The following ROBO1 variants were observed in gnomAD, a reference collection of about 807,000 sequenced individuals.
The protein encoded by ROBO1 is roundabout homolog 1.
Under a neutral mutation model 195.9 loss-of-function variants are expected in ROBO1, and 149 were observed. The observed-to-expected ratio is 0.76, with a 90% CI of 0.67 to 0.87. The LOEUF (loss-of-function observed/expected upper bound fraction) is 0.87. Among genes scored for constraint, ROBO1 ranks in the 40% least tolerant of loss-of-function variants. The pLI, the probability that ROBO1 is intolerant of heterozygous loss-of-function variation, is 0.00. For missense variants in ROBO1, 1,933 were observed against 2,068.3 expected (o/e 0.93, Z 1.27); for synonymous variants, 816 against 733.2 (o/e 1.11, Z -1.82).
chr3:79,050,622 T>A (rs1447865744), intron 3 of ROBO1, among the ~76,000 whole-genome samples: 1 of 152,148 alleles, frequency 6.6e-6, no homozygotes, highest in African/African-American at 2.4e-5. Flanking sequence ...CTCAGCACCG[T>A]ATGGCACTTA....
At chr3:79,675,510 G>T (rs1946758387) in intron 1 of ROBO1, among the ~76,000 whole-genome samples, 1 of 151,948 alleles carries the variant, frequency 6.6e-6, no homozygotes, top group African/African-American at 2.4e-5. Flanking sequence ...TCATGAACTT[G>T]GACAACTTCC....
At chr3:79,560,556 T>TATATACAC (rs944214132) in intron 2 of ROBO1, among the ~76,000 whole-genome samples, 17 of 119,850 alleles carry the variant, frequency 1.4e-4, no homozygotes, top group African/African-American at 4.4e-4. Flanking sequence ...TATATATATA[T>TATATACAC]ATACACATAC....
intron 1 of ROBO1, among the ~76,000 whole-genome samples, chr3:79,592,484 A>G (rs192692524): frequency 3.9e-5 from 6 of 152,124 alleles, no homozygotes; most frequent in Admixed American, 2.0e-4. Flanking sequence ...TGGGAATTGC[A>G]TTATTAGCTA....
At position 79,174,109 on chromosome 3, in the gene ROBO1, A is replaced by G. The variant is rs565663971; in HGVS notation, c.89-48570T>C. On this transcript the variant is annotated intron_variant, in intron 2 of 30. Transcript: ENST00000464233. Reference sequence around the variant, plus strand: ...AGAATAAAAGTAGGCTGCCTGAGCCAGCAGTGGCAACCTGCTCAGGTCCCC... The same window carrying G: ...AGAATAAAAGTAGGCTGCCTGAGCCGGCAGTGGCAACCTGCTCAGGTCCCC... 6.6e-5 allele frequency among the ~76,000 whole-genome samples: 10 copies of G among 152,246 alleles called. No individual in the cohort carries two copies. The South Asian group carries it at 2.1e-3, about 32-fold the overall frequency.
chr3:79,096,186 G>C (rs1028988441), intron 3 of ROBO1, among the ~76,000 whole-genome samples: 61 of 151,976 alleles, frequency 4.0e-4, no homozygotes, highest in African/African-American at 1.3e-3. Context: ...CACTCAAGCA[G>C]CAATGTAGAA....
rs183008463 is a variant in ROBO1, at chr3:79,737,277, A to C, written c.-51+30475T>G. ...TTTAACTATGAATTACATAATAAGC[A>C]GGACAAAGAAAGTGGAGGAGAAAGC... On this transcript the variant is annotated intron_variant, in intron 1 of 30. Transcript: ENST00000464233. Among the ~76,000 whole-genome samples, 194 of 152,322 alleles carry C rather than the reference A, an allele frequency of 1.3e-3. 1 individual carries two copies. The highest frequency in any genetic ancestry group is 4.4e-3 in the African/African-American group (182 of 41,578).
At chr3:79,682,755 G>T (rs1048382075) in intron 1 of ROBO1, among the ~76,000 whole-genome samples, 7 of 151,866 alleles carry the variant, frequency 4.6e-5, no homozygotes, top group Admixed American at 1.3e-4. Context: ...CCTTACTTGG[G>T]CATAACCGCA....
intron 5 of ROBO1, among the ~76,000 whole-genome samples, chr3:78,742,802 T>G (rs1038467999): frequency 2.0e-5 from 3 of 152,306 alleles, no homozygotes; most frequent in Non-Finnish European, 4.4e-5. Context: ...TTAAACTGTT[T>G]GATTCCTTGT....
intron 1 of ROBO1, among the ~76,000 whole-genome samples, chr3:79,727,361 T>C (rs1250053113): frequency 6.6e-6 from 1 of 151,934 alleles, no homozygotes; most frequent in Admixed American, 6.6e-5. Context: ...TGTAGAATTT[T>C]CAAAAAAAAG....
chr3:79,637,441 A>T (rs1197211753), intron 1 of ROBO1, among the ~76,000 whole-genome samples: 1 of 144,720 alleles, frequency 6.9e-6, no homozygotes, highest in Non-Finnish European at 1.5e-5. Flanking sequence ...TTAAGAGTAA[A>T]ACTCACGTTT....
chr3:79,013,234 G>A (rs951144056), intron 3 of ROBO1, among the ~76,000 whole-genome samples: 2 of 152,146 alleles, frequency 1.3e-5, no homozygotes, highest in Non-Finnish European at 2.9e-5. Flanking sequence ...TCAGAGCAGA[G>A]CAAAATCTTT....
chr3:78,714,568 T>C, intron 7 of ROBO1, 44 bp from the exon 8 acceptor site: 6 of 1,568,378 alleles, frequency 3.8e-6, no homozygotes, highest in Non-Finnish European at 5.2e-6. Flanking sequence ...GACTTTCTAC[T>C]TGAAAGATCT....
intron 3 of ROBO1, among the ~76,000 whole-genome samples, chr3:78,974,516 C>T (rs1364793162): frequency 1.3e-5 from 2 of 151,798 alleles, no homozygotes; most frequent in South Asian, 2.1e-4. Flanking sequence ...ACTCAATATA[C>T]GAAAAAAAGA....
chr3:78,650,161 A>T (rs547918850), intron 19 of ROBO1, among the ~76,000 whole-genome samples: 15 of 151,716 alleles, frequency 9.9e-5, no homozygotes, highest in Non-Finnish European at 1.6e-4. Context: ...GACACCCAAA[A>T]CCCCTTGTCT....
intron 1 of ROBO1, among the ~76,000 whole-genome samples, chr3:79,673,523 G>C (rs1406269642): frequency 6.6e-6 from 1 of 151,984 alleles, no homozygotes; most frequent in Admixed American, 6.6e-5. Context: ...TAAAGTACCT[G>C]CCATAGGCAC....
intron 2 of ROBO1, among the ~76,000 whole-genome samples, chr3:79,266,703 A>G (rs2029992554): frequency 6.6e-6 from 1 of 151,624 alleles, no homozygotes; most frequent in African/African-American, 2.4e-5. Context: ...GTTGGTGTCC[A>G]ATGACAAAGG....
At chr3:79,405,414 G>T (rs542730318) in intron 2 of ROBO1, among the ~76,000 whole-genome samples, 2 of 152,300 alleles carry the variant, frequency 1.3e-5, no homozygotes, top group African/African-American at 4.8e-5. Context: ...AGCACATTAT[G>T]CTTTCTCTGA....
intron 3 of ROBO1, among the ~76,000 whole-genome samples, chr3:79,094,352 C>T (rs1429575645): frequency 6.6e-6 from 1 of 152,072 alleles, no homozygotes; most frequent in Non-Finnish European, 1.5e-5. Flanking sequence ...CAATGGTTCA[C>T]TAACAAGAAC....
intron 18 of ROBO1, among the ~76,000 whole-genome samples, chr3:78,656,029 T>C (rs1706985553): frequency 6.6e-6 from 1 of 152,196 alleles, no homozygotes; most frequent in Non-Finnish European, 1.5e-5. Context: ...ATTGTTTGTT[T>C]TAGATTTTAC....
Sources: allele counts gnomAD v4.1 joint callset (sites outside exome capture counted in the v4.1 genomes callset), GRCh38; gene constraint gnomAD v4.1.1; transcripts MANE v1.5; gene names NCBI Gene and HGNC (gene_info 2026-07-23, HGNC 2026-07-21).